The following TMCC1 variants were observed in gnomAD, a reference collection of about 807,000 sequenced individuals.
TMCC1 encodes the protein transmembrane and coiled-coil domain family 1.
Under a neutral mutation model 52.4 loss-of-function variants are expected in TMCC1, and 15 were observed. The observed-to-expected ratio is 0.29, with a 90% CI of 0.19 to 0.44. The LOEUF (loss-of-function observed/expected upper bound fraction) is 0.44. Among genes scored for constraint, TMCC1 ranks in the 20% least tolerant of loss-of-function variants. The pLI, the probability that TMCC1 is intolerant of heterozygous loss-of-function variation, is 1.00. For synonymous variants in TMCC1, 279 were observed against 301.9 expected (o/e 0.92, Z 0.79); for missense variants, 503 against 806.0 (o/e 0.62, Z 4.55).
intron 4 of TMCC1, among the ~76,000 whole-genome samples, chr3:129,685,142 G>A (rs553280964): frequency 1.3e-5 from 2 of 152,290 alleles, no homozygotes; most frequent in East Asian, 1.9e-4. Context: ...ACTTTGGAAG[G>A]CAGACACAGG....
At chr3:129,770,382 G>A (rs2054462329) in intron 4 of TMCC1, among the ~76,000 whole-genome samples, 1 of 152,124 alleles carries the variant, frequency 6.6e-6, no homozygotes, top group South Asian at 2.1e-4. Flanking sequence ...TGGGCATGGT[G>A]TTGCACACCT....
intron 5 of TMCC1, among the ~76,000 whole-genome samples, chr3:129,657,395 A>G (rs1203406297): frequency 6.6e-6 from 1 of 152,250 alleles, no homozygotes; most frequent in Non-Finnish European, 1.5e-5. Flanking sequence ...CCAAGAGGGT[A>G]GAAGGTATTA....
At chr3:129,746,792 A>G (rs1389453334) in intron 4 of TMCC1, among the ~76,000 whole-genome samples, 7 of 152,180 alleles carry the variant, frequency 4.6e-5, no homozygotes, top group Non-Finnish European at 2.9e-5. Context: ...TGTTGTGTTC[A>G]GTATTACATC....
chr3:129,887,070 G>C (rs1011279400), intron 1 of TMCC1, among the ~76,000 whole-genome samples: 1 of 152,200 alleles, frequency 6.6e-6, no homozygotes, highest in African/African-American at 2.4e-5. Context: ...GAGAGGGACT[G>C]CTTAATAGGT....
intron 2 of TMCC1, among the ~76,000 whole-genome samples, chr3:129,839,808 C>G (rs922806097): frequency 2.6e-5 from 4 of 151,952 alleles, no homozygotes; most frequent in Non-Finnish European, 5.9e-5. Context: ...TCACTTGAGC[C>G]CAGGAGGTCC....
At chr3:129,723,529 G>A (rs943817005) in intron 4 of TMCC1, among the ~76,000 whole-genome samples, 8 of 149,816 alleles carry the variant, frequency 5.3e-5, no homozygotes, top group Non-Finnish European at 5.9e-5. Flanking sequence ...TGAAACTCTT[G>A]TTCATTGAAA....
intron 2 of TMCC1, among the ~76,000 whole-genome samples, chr3:129,873,604 C>T (rs991526018): frequency 6.6e-6 from 1 of 152,108 alleles, no homozygotes; most frequent in African/African-American, 2.4e-5. Flanking sequence ...CCCTTGAGCC[C>T]AGGAGGTCAA....
intron 4 of TMCC1, among the ~76,000 whole-genome samples, chr3:129,714,812 C>A (rs142596784): frequency 6.6e-6 from 1 of 152,202 alleles, no homozygotes; most frequent in Non-Finnish European, 1.5e-5. Flanking sequence ...CATTCTTCCA[C>A]CCATCTATCA....
chr3:129,664,627 T>C (rs2087309376), intron 5 of TMCC1, among the ~76,000 whole-genome samples: 1 of 152,214 alleles, frequency 6.6e-6, no homozygotes, highest in African/African-American at 2.4e-5. Context: ...GTTTTTAGCC[T>C]GCCCTACATG....
intron 4 of TMCC1, among the ~76,000 whole-genome samples, chr3:129,822,213 G>C (rs559131043): frequency 1.2e-3 from 190 of 152,248 alleles, no homozygotes; most frequent in Non-Finnish European, 2.1e-3. Flanking sequence ...AATAACTTTA[G>C]GGAATCATTT....
At chr3:129,802,723 G>C (rs1269678092) in intron 4 of TMCC1, among the ~76,000 whole-genome samples, 1 of 152,132 alleles carries the variant, frequency 6.6e-6, no homozygotes, top group Admixed American at 6.5e-5. Flanking sequence ...ACACCTGTTT[G>C]TGCCCCTCTC....
At chr3:129,726,896 A>AAAAAAAAAAAAAAAAAAC (rs2050147551) in intron 4 of TMCC1, among the ~76,000 whole-genome samples, 1 of 143,466 alleles carries the variant, frequency 7.0e-6, no homozygotes, top group Non-Finnish European at 1.5e-5. Context: ...AAAAAAAAAA[A>AAAAAAAAAAAAAAAAAAC]AAGAACCACT....
rs1324825412 is a variant in TMCC1 at position 129,648,078 on chromosome 3, C to T, written c.*3403G>A. On this transcript the variant is annotated 3_prime_UTR_variant, in exon 7 of 7. Transcript: ENST00000393238. ...CACGACATACAGACAGCAATGTTAA[C>T]TCTTAGAGCCACATTCAAAATCCCA... 3.3e-5 allele frequency: 5 copies of T among 152,598 alleles called. No homozygotes were observed. Among genetic ancestry groups the T allele is most frequent in the Non-Finnish European group, 7.3e-5 (5 of 68,034 alleles). 9.5% of individuals were successfully genotyped at this position (152,598 alleles called of 1,614,324 possible).
intron 2 of TMCC1, among the ~76,000 whole-genome samples, chr3:129,858,427 C>G (rs531811903): frequency 2.0e-5 from 3 of 152,226 alleles, no homozygotes; most frequent in South Asian, 2.1e-4. Flanking sequence ...CTGGAGTGCA[C>G]TGGCACAATC....
At position 129,893,578 on chromosome 3, in the gene TMCC1, C is replaced by A. The variant is rs2062087600; in HGVS notation, c.-519G>T. On this transcript the variant is annotated 5_prime_UTR_variant, in exon 1 of 7. Transcript: ENST00000393238. ...CCTGCTCCTTCCACTGCGGCCGCCGCACCCGGTCCATCCCCCACAACCACC... is the reference window on the plus strand; with the variant it reads ...CCTGCTCCTTCCACTGCGGCCGCCGAACCCGGTCCATCCCCCACAACCACC... 6.6e-5 allele frequency: 10 copies of A among 152,498 alleles called. 1 individual carries two copies. In the South Asian group the frequency reaches 1.8e-3, roughly 27 times the overall value. The allele number at this position is 152,498 out of a possible 1,614,324, so 9.4% of individuals were successfully genotyped here.
chr3:129,805,151 TTTTATTTA>T (rs145843865), intron 4 of TMCC1, among the ~76,000 whole-genome samples: 14 of 152,026 alleles, frequency 9.2e-5, no homozygotes, highest in South Asian at 2.1e-4. Flanking sequence ...AAAGTCACCT[TTTTATTTA>T]TTTATTTATT....
chr3:129,829,423 G>A (rs995712769), intron 3 of TMCC1, among the ~76,000 whole-genome samples: 10 of 85,490 alleles, frequency 1.2e-4, no homozygotes, highest in South Asian at 3.9e-4. Flanking sequence ...TAAAATCAAC[G>A]CAACTGCCAT....
intron 4 of TMCC1, among the ~76,000 whole-genome samples, chr3:129,692,227 T>A (rs1021550815): frequency 6.6e-6 from 1 of 152,238 alleles, no homozygotes; most frequent in African/African-American, 2.4e-5. Context: ...TCTTCTTTTG[T>A]AATGTTTAGT....
chr3:129,740,463 C>G (rs1000460097), intron 4 of TMCC1, among the ~76,000 whole-genome samples: 1 of 152,208 alleles, frequency 6.6e-6, no homozygotes, highest in African/African-American at 2.4e-5. Flanking sequence ...TTGTTCTGCT[C>G]TTTTCTGTAC....
Sources: allele counts gnomAD v4.1 joint callset (sites outside exome capture counted in the v4.1 genomes callset), GRCh38; gene constraint gnomAD v4.1.1; transcripts MANE v1.5; gene names NCBI Gene and HGNC (gene_info 2026-07-23, HGNC 2026-07-21).